The following ARHGEF11 variants were observed in gnomAD, a reference collection of about 807,000 sequenced individuals.
ARHGEF11 encodes the protein Rho guanine nucleotide exchange factor 11, also known as Rho guanine exchange factor (GEF) 11.
Under a neutral mutation model 193.7 loss-of-function variants are expected in ARHGEF11, and 55 were observed. The ratio of observed to expected loss-of-function variants is 0.28; its 90% CI spans 0.23 to 0.36. The LOEUF (loss-of-function observed/expected upper bound fraction) is 0.36. Among genes scored for constraint, ARHGEF11 ranks in the 10% least tolerant of loss-of-function variants. ARHGEF11 has a pLI of 1.00. For synonymous variants in ARHGEF11, 693 were observed against 768.0 expected, an observed-to-expected ratio of 0.90 and a Z score of 1.62; for missense variants, 1,723 against 2,005.6, an observed-to-expected ratio of 0.86 and a Z score of 2.69.
Position 156,951,553 on chromosome 1 carries a change from TC to T in ARHGEF11, c.1925+19del. 6.2e-7 allele frequency: 1 copy of T among 1,613,028 alleles called. No individual in the cohort carries two copies. Among genetic ancestry groups the T allele is most frequent in the Non-Finnish European group, 8.5e-7 (1 of 1,179,698 alleles). ...ACCCACTCTTCGAGCAGCTGGCGAGTCCCATCCAGCCAGTGCTACCTGTCAC... is the reference window on the plus strand; with the variant it reads ...ACCCACTCTTCGAGCAGCTGGCGAGTCCATCCAGCCAGTGCTACCTGTCAC... On this transcript the variant is annotated intron_variant, in intron 22 of 40. Coordinates refer to ENST00000368194, the MANE Select transcript of ARHGEF11 (RefSeq NM_198236.3).
At chr1:156,966,779 T>C (rs1557873735) in intron 11 of ARHGEF11, among the ~76,000 whole-genome samples, 1 of 152,248 alleles carries the variant, frequency 6.6e-6, no homozygotes, top group Non-Finnish European at 1.5e-5. Context: ...CAAGGCAGAA[T>C]TGCCCTCAAG....
rs992412897 is a variant in ARHGEF11 at position 156,967,785 on chromosome 1, G to C, written c.963+202C>G. On this transcript the variant is annotated intron_variant, in intron 11 of 40. Transcript: ENST00000368194. The stretch of plus-strand genomic sequence containing the variant: ...CACCCACTCTCCACATAGAAATGGA[G>C]CCAGCCTTACTTTCATATCTCTATT... The C allele has an allele frequency of 4.5e-6, 3 of 668,908 alleles. No homozygotes were observed. The South Asian group carries it at 5.6e-5, about 13-fold the overall frequency. 41.4% of individuals were successfully genotyped at this position (668,908 alleles called of 1,614,324 possible).
At position 156,948,307 on chromosome 1, in the gene ARHGEF11, A is replaced by G. The variant is rs777364483; in HGVS notation, c.2105+12T>C. The G allele has an allele frequency of 6.2e-7, 1 of 1,613,372 alleles. No homozygotes were observed. The highest frequency in any genetic ancestry group is 1.1e-5 in the South Asian group (1 of 91,068). ...AGATGTCCATGGGTGCAGCCGTTGTAGCCCTGCCCACCTGGTGGAGAGGCT... is the reference window on the plus strand; with the variant it reads ...AGATGTCCATGGGTGCAGCCGTTGTGGCCCTGCCCACCTGGTGGAGAGGCT... On this transcript the variant is annotated intron_variant, in intron 23 of 40. Transcript: ENST00000368194. The surrounding 1 kb of genome is among the most constrained non-coding windows in gnomAD (Gnocchi z 4.2).
At chr1:156,941,728 A>T in intron 34 of ARHGEF11, 136 bp downstream of exon 34, 1 of 1,320,524 alleles carries the variant, frequency 7.6e-7, no homozygotes, top group Non-Finnish European at 1.0e-6. Context: ...ATCTGCCAGC[A>T]CTTGGAGCTG....
chr1:156,978,143 C>T, intron 6 of ARHGEF11, 61 bp downstream of exon 6: 1 of 1,604,418 alleles, frequency 6.2e-7, no homozygotes, highest in Non-Finnish European at 8.5e-7. Flanking sequence ...GCTTTCCTCC[C>T]CAATGCGGAG....
At chr1:156,941,624 C>G (rs1421037188) in intron 34 of ARHGEF11, among the ~76,000 whole-genome samples, 191 bp from the exon 35 acceptor site, 1 of 152,232 alleles carries the variant, frequency 6.6e-6, no homozygotes, top group African/African-American at 2.4e-5. Context: ...ACATCCCCCT[C>G]ACCCTTCTTC....
At position 157,025,653 on chromosome 1, in the gene ARHGEF11, C is replaced by T. The variant is rs115075675; in HGVS notation, c.32+18646G>A. ...GATGATGACAGTCTGGGCAGCCACA[C>T]AGATGAGCGGGCTCCCCTGTTAATT... On this transcript the variant is annotated intron_variant, in intron 1 of 40. Coordinates refer to ENST00000368194, the MANE Select transcript of ARHGEF11 (RefSeq NM_198236.3). Among the ~76,000 whole-genome samples, 435 of 152,270 alleles carry T rather than the reference C, an allele frequency of 2.9e-3. 2 individuals are homozygous for T. The highest frequency in any genetic ancestry group is 1.0e-2 in the African/African-American group (414 of 41,534).
At chr1:156,938,829 G>A (rs567875231) in intron 37 of ARHGEF11, 24 of 365,418 alleles carry the variant, frequency 6.6e-5, no homozygotes, top group African/African-American at 2.1e-4. Flanking sequence ...GCCCACTAGC[G>A]TGGAACCCCA....
At chr1:156,954,162 C>T (rs1215088250) in intron 21 of ARHGEF11, among the ~76,000 whole-genome samples, 2 of 151,872 alleles carry the variant, frequency 1.3e-5, no homozygotes, top group African/African-American at 4.8e-5. Flanking sequence ...GGCGGATCGC[C>T]CGAGGTCAGG....
intron 11 of ARHGEF11, 195 bp from the exon 12 acceptor site, chr1:156,963,789 C>T: frequency 3.5e-6 from 5 of 1,422,796 alleles, no homozygotes; most frequent in South Asian, 1.6e-5. Context: ...TCAACTGCTT[C>T]TGGGTGGGGC....
At chr1:157,009,803 C>T (rs1384136818) in intron 1 of ARHGEF11, among the ~76,000 whole-genome samples, 1 of 152,210 alleles carries the variant, frequency 6.6e-6, no homozygotes, top group African/African-American at 2.4e-5. Context: ...GACCTGTAAT[C>T]TTATTATTTG....
chr1:156,954,768 G>A, intron 21 of ARHGEF11, 124 bp downstream of exon 21: 1 of 853,212 alleles, frequency 1.2e-6, no homozygotes, highest in Middle Eastern at 2.2e-4. Flanking sequence ...ATGGAGAGAA[G>A]AAAGAAAGGG....
chr1:157,027,671 C>T (rs1476813349), intron 1 of ARHGEF11, among the ~76,000 whole-genome samples: 1 of 152,126 alleles, frequency 6.6e-6, no homozygotes, highest in Non-Finnish European at 1.5e-5. Flanking sequence ...AACAGTAGTT[C>T]CCATCCCTGA....
chr1:156,935,212 T>C lies in ARHGEF11; in HGVS notation c.*788A>G, dbSNP rs1298731978. 1.3e-5 allele frequency: 2 copies of C among 151,786 alleles called. No individual in the cohort carries two copies. The highest frequency in any genetic ancestry group is 2.9e-5 in the Non-Finnish European group (2 of 67,906). The allele number at this position is 151,786 out of a possible 1,614,324, so 9.4% of individuals were successfully genotyped here. On this transcript the variant is annotated 3_prime_UTR_variant, in exon 41 of 41. Coordinates refer to ENST00000368194, the MANE Select transcript of ARHGEF11 (RefSeq NM_198236.3). ...GGGGAAGAGGGGGACATAGGTGGGG[T>C]AAGAAACCCCCATGATCCCCATCTT...
intron 13 of ARHGEF11, 99 bp downstream of exon 13, chr1:156,963,104 G>A: frequency 1.1e-6 from 1 of 906,192 alleles, no homozygotes; most frequent in South Asian, 1.5e-5. Flanking sequence ...TGTGCCCATG[G>A]ATCTGACTTG....
At chr1:157,029,132 A>C (rs910681954) in intron 1 of ARHGEF11, among the ~76,000 whole-genome samples, 5 of 147,592 alleles carry the variant, frequency 3.4e-5, no homozygotes, top group Non-Finnish European at 7.4e-5. Flanking sequence ...GTGCCATTGC[A>C]CTCCAGCCTA....
chr1:156,980,398 C>A (rs1663946467), intron 4 of ARHGEF11, 39 bp downstream of exon 4: 3 of 1,589,656 alleles, frequency 1.9e-6, no homozygotes, highest in Non-Finnish European at 2.6e-6. Flanking sequence ...ACATCTATTT[C>A]CACTGCTGGG....
chr1:156,992,252 C>T (rs1665844505), intron 1 of ARHGEF11, among the ~76,000 whole-genome samples: 1 of 152,076 alleles, frequency 6.6e-6, no homozygotes, highest in Non-Finnish European at 1.5e-5. Context: ...CCTTTTTGCA[C>T]TTTGCTTTTT....
At chr1:156,947,621 A>G in intron 25 of ARHGEF11, 148 bp downstream of exon 25, 4 of 1,324,244 alleles carry the variant, frequency 3.0e-6, no homozygotes, top group Non-Finnish European at 4.1e-6. Context: ...AACTGAGGGG[A>G]ACCTTATAGC....
Sources: allele counts gnomAD v4.1 joint callset (sites outside exome capture counted in the v4.1 genomes callset), GRCh38; gene constraint gnomAD v4.1.1; non-coding constraint Gnocchi (gnomAD v3.1); transcripts MANE v1.5; gene names NCBI Gene and HGNC (gene_info 2026-07-23, HGNC 2026-07-21).